CNTNAP2: variants seen among roughly 807,000 people sequenced by gnomAD.
CNTNAP2 encodes contactin-associated protein-like 2.
A neutral mutation model predicts 155.2 loss-of-function variants in CNTNAP2; 98 were observed. The ratio of observed to expected loss-of-function variants is 0.63; its 90% CI spans 0.54 to 0.75. The LOEUF is 0.75. Ranked by LOEUF, CNTNAP2 falls within the 30% of genes least tolerant of loss-of-function variation. The pLI is 0.00. For missense variants in CNTNAP2, 1,727 were observed against 1,688.1 expected (o/e 1.02, Z -0.40); for synonymous variants, 651 against 631.2 (o/e 1.03, Z -0.47).
intron 3 of CNTNAP2, among the ~76,000 whole-genome samples, chr7:146,857,350 A>G (rs1253109719): frequency 6.6e-6 from 1 of 152,212 alleles, no homozygotes; most frequent in Non-Finnish European, 1.5e-5. Flanking sequence ...TTATTTCAAA[A>G]GAAAAGTTAA....
intron 13 of CNTNAP2, among the ~76,000 whole-genome samples, chr7:147,779,802 A>G (rs922213116): frequency 1.3e-5 from 2 of 152,220 alleles, no homozygotes; most frequent in African/African-American, 4.8e-5. Context: ...AGTTCACCAG[A>G]AGTCTACCTT....
chr7:146,829,567 T>A (rs1803471596), intron 2 of CNTNAP2, among the ~76,000 whole-genome samples: 1 of 150,982 alleles, frequency 6.6e-6, no homozygotes, highest in Non-Finnish European at 1.5e-5. Context: ...CGAAAAGTAT[T>A]TTTTTTTTAC....
intron 12 of CNTNAP2, among the ~76,000 whole-genome samples, chr7:147,597,090 C>A (rs1340126144): frequency 1.3e-5 from 2 of 152,206 alleles, no homozygotes; most frequent in South Asian, 2.1e-4. Context: ...AAATGGGCAA[C>A]CATCAGCCCT....
chr7:146,787,091 T>C (rs1430107503), intron 2 of CNTNAP2, among the ~76,000 whole-genome samples: 1 of 152,204 alleles, frequency 6.6e-6, no homozygotes, highest in African/African-American at 2.4e-5. Flanking sequence ...GGATAACGAA[T>C]TGGGTTTTGT....
At chr7:146,970,537 C>G (rs1481301884) in intron 3 of CNTNAP2, among the ~76,000 whole-genome samples, 1 of 152,092 alleles carries the variant, frequency 6.6e-6, no homozygotes, top group Non-Finnish European at 1.5e-5. Flanking sequence ...GTTAGAATGG[C>G]AATCAATAAA....
At chr7:147,836,457 C>G (rs1259451990) in intron 13 of CNTNAP2, among the ~76,000 whole-genome samples, 2 of 152,038 alleles carry the variant, frequency 1.3e-5, no homozygotes, top group Non-Finnish European at 2.9e-5. Context: ...CACTCCTCCC[C>G]CACCATGCAC....
intron 12 of CNTNAP2, among the ~76,000 whole-genome samples, chr7:147,580,887 A>C (rs191609062): frequency 6.6e-6 from 1 of 152,306 alleles, no homozygotes; most frequent in Non-Finnish European, 1.5e-5. Flanking sequence ...AAGTGCTGGG[A>C]TTACAGGCGT....
At chr7:147,627,853 A>C (rs1168481327) in intron 12 of CNTNAP2, among the ~76,000 whole-genome samples, 1 of 151,808 alleles carries the variant, frequency 6.6e-6, no homozygotes, top group Non-Finnish European at 1.5e-5. Context: ...AAGTTTCAAC[A>C]ATAGACTAGA....
At position 147,200,625 on chromosome 7, in the gene CNTNAP2, G is replaced by T. The variant is rs993059530; in HGVS notation, c.1348+68116G>T. On this transcript the variant is annotated intron_variant, in intron 8 of 23. Transcript: ENST00000361727. ...GCCACCATTTCTACCTTCCAAAGTG[G>T]TTCACTATAAAAAGTTTTTTAGAAA... is the stretch of plus-strand genomic sequence containing the variant. 3.3e-5 allele frequency among the ~76,000 whole-genome samples: 5 copies of T among 152,236 alleles called. No homozygotes were observed. In the East Asian group the frequency reaches 5.8e-4, roughly 18 times the overall value.
intron 8 of CNTNAP2, among the ~76,000 whole-genome samples, chr7:147,240,070 T>G (rs192209334): frequency 6.6e-6 from 1 of 152,200 alleles, no homozygotes; most frequent in Non-Finnish European, 1.5e-5. Flanking sequence ...GCTGATAAAC[T>G]TTTTATGCCT....
At chr7:147,828,970 G>A (rs1270621416) in intron 13 of CNTNAP2, among the ~76,000 whole-genome samples, 1 of 152,108 alleles carries the variant, frequency 6.6e-6, no homozygotes, top group Non-Finnish European at 1.5e-5. Context: ...CTAGGCACGA[G>A]TTTTCCTTGT....
At chr7:146,652,853 T>A (rs1030301722) in intron 1 of CNTNAP2, among the ~76,000 whole-genome samples, 1 of 152,152 alleles carries the variant, frequency 6.6e-6, no homozygotes, top group Non-Finnish European at 1.5e-5. Context: ...TTCATCAGCT[T>A]TGAAGACTTC....
intron 13 of CNTNAP2, among the ~76,000 whole-genome samples, chr7:147,650,041 A>AATCTGATAGTCTT (rs1399679814): frequency 6.6e-6 from 1 of 152,182 alleles, no homozygotes; most frequent in Non-Finnish European, 1.5e-5. Flanking sequence ...GAATGAAGTT[A>AATCTGATAGTCTT]ATCTGATAGT....
intron 1 of CNTNAP2, among the ~76,000 whole-genome samples, chr7:146,707,519 C>T (rs1405198638): frequency 6.6e-6 from 1 of 151,960 alleles, no homozygotes. Context: ...CTCTTAGAAA[C>T]TCTTGCCACA....
At chr7:147,748,931 G>C (rs78404190) in intron 13 of CNTNAP2, among the ~76,000 whole-genome samples, 6,964 of 152,232 alleles carry the variant, frequency 0.046, 501 homozygotes, top group African/African-American at 0.16. Flanking sequence ...GTAGGGATCT[G>C]AACAAGACAT....
chr7:148,285,276 A>G (rs749981293), intron 21 of CNTNAP2, among the ~76,000 whole-genome samples: 24 of 152,276 alleles, frequency 1.6e-4, no homozygotes, highest in Non-Finnish European at 2.6e-4. Context: ...TCTAAGGAAG[A>G]TAATCTTCTA....
At chr7:146,177,800 G>C (rs937923382) in intron 1 of CNTNAP2, among the ~76,000 whole-genome samples, 2 of 152,102 alleles carry the variant, frequency 1.3e-5, no homozygotes, top group Non-Finnish European at 2.9e-5. Context: ...GCATTCTCAT[G>C]ATCTTTCTTT....
Position 146,497,904 on chromosome 7 carries a change from A to AAT in CNTNAP2, c.98-276366_98-276365insTA, listed in dbSNP as rs1292121248. The stretch of plus-strand genomic sequence containing the variant: ...ATATACAATTATATATGTTTATTCA[A>AAT]ACATATATAAACATATATTCTAACA... On this transcript the variant is annotated intron_variant, in intron 1 of 23. Coordinates refer to ENST00000361727, the MANE Select transcript of CNTNAP2 (RefSeq NM_014141.6). Among the ~76,000 whole-genome samples, 49 of 114,866 alleles carry AAT rather than the reference A, an allele frequency of 4.3e-4. 1 individual carries two copies. The highest frequency in any genetic ancestry group is 3.9e-3 in the Admixed American group (49 of 12,704). The allele number at this position is 114,866 out of a possible 152,430, so 75.4% of individuals were successfully genotyped here.
At position 147,503,616 on chromosome 7, in the gene CNTNAP2, A is replaced by G. The variant is rs192871829; in HGVS notation, c.1777+17575A>G. The stretch of plus-strand genomic sequence containing the variant: ...TCAAAATTTACTTTCTGTAGGCTCC[A>G]GTCACATTCTCTTTTTATTTTGTGA... On this transcript the variant is annotated intron_variant, in intron 11 of 23. Coordinates refer to ENST00000361727, the MANE Select transcript of CNTNAP2 (RefSeq NM_014141.6). Among the ~76,000 whole-genome samples, 926 of 152,190 alleles carry G rather than the reference A, an allele frequency of 6.1e-3. 13 individuals carry two copies. Among genetic ancestry groups the G allele is most frequent in the African/African-American group, 0.021 (883 of 41,508 alleles).
Sources: allele counts gnomAD v4.1 joint callset (sites outside exome capture counted in the v4.1 genomes callset), GRCh38; gene constraint gnomAD v4.1.1; transcripts MANE v1.5; gene names NCBI Gene and HGNC (gene_info 2026-07-23, HGNC 2026-07-21).